Variants in RUNX1T1 observed in about 807,000 individuals in gnomAD.
RUNX1T1 encodes the protein protein CBFA2T1.
RUNX1T1 carries 4 observed loss-of-function variants against 62.8 expected under a neutral mutation model. The observed-to-expected ratio is 0.06, with a 90% CI of 0.03 to 0.15. The LOEUF (loss-of-function observed/expected upper bound fraction) is 0.15. Ranked by LOEUF, RUNX1T1 falls within the 10% of genes least tolerant of loss-of-function variation. The pLI is 1.00. For synonymous variants in RUNX1T1, 291 were observed against 286.0 expected, an observed-to-expected ratio of 1.02 and a Z score of -0.18; for missense variants, 508 against 754.3, an observed-to-expected ratio of 0.67 and a Z score of 3.82.
intron 10 of RUNX1T1, among the ~76,000 whole-genome samples, chr8:91,963,529 T>C (rs898870189): frequency 1.3e-5 from 2 of 152,230 alleles, no homozygotes; most frequent in African/African-American, 4.8e-5. Flanking sequence ...GTGAATTTAC[T>C]GTTGGCTAAT....
At chr8:92,070,746 T>C (rs1401415800) in intron 2 of RUNX1T1, among the ~76,000 whole-genome samples, 3 of 152,276 alleles carry the variant, frequency 2.0e-5, no homozygotes, top group Non-Finnish European at 4.4e-5. Context: ...AGGTATATAC[T>C]GCTCTCTTTA....
chr8:92,031,190 T>G (rs1264754134), intron 1 of RUNX1T1, among the ~76,000 whole-genome samples: 1 of 152,196 alleles, frequency 6.6e-6, no homozygotes, highest in African/African-American at 2.4e-5. Flanking sequence ...ATGCCTTATC[T>G]TTTCAATGCT....
At chr8:92,039,292 C>T (rs1369262577) in intron 1 of RUNX1T1, among the ~76,000 whole-genome samples, 1 of 152,142 alleles carries the variant, frequency 6.6e-6, no homozygotes, top group African/African-American at 2.4e-5. Context: ...TAGGCATGAG[C>T]CACCACGCCT....
intron 1 of RUNX1T1, among the ~76,000 whole-genome samples, chr8:92,044,182 T>G (rs1828983570): frequency 6.6e-6 from 1 of 152,108 alleles, no homozygotes. Flanking sequence ...TTAAAAATCC[T>G]TGATAAGTAG....
intron 1 of RUNX1T1, among the ~76,000 whole-genome samples, chr8:92,028,115 G>C (rs1483681239): frequency 2.5e-5 from 3 of 118,266 alleles, no homozygotes; most frequent in Non-Finnish European, 5.3e-5. Context: ...AAGAAGGGAG[G>C]GAGGAGGGGA....
intron 10 of RUNX1T1, among the ~76,000 whole-genome samples, chr8:91,966,850 A>G (rs1403954669): frequency 6.6e-6 from 1 of 152,214 alleles, no homozygotes; most frequent in Admixed American, 6.5e-5. Flanking sequence ...TATAAATCCA[A>G]GTAAAGTTTG....
At chr8:91,986,236 C>A (rs752953873) in exon 8 of RUNX1T1, 10 of 1,613,912 alleles carry the variant, frequency 6.2e-6, no homozygotes, top group Non-Finnish European at 8.5e-6. Context: ...TCCAGTAATT[C>A]AATTCTTCCC....
At chr8:92,071,479 T>G (rs1285512210) in intron 2 of RUNX1T1, 1 of 150,858 alleles carries the variant, frequency 6.6e-6, no homozygotes, top group Non-Finnish European at 1.5e-5. Context: ...AAGTGTAAAA[T>G]AGAGCCAAAT....
chr8:92,059,170 A>C (rs574801314), intron 1 of RUNX1T1, among the ~76,000 whole-genome samples: 1 of 152,340 alleles, frequency 6.6e-6, no homozygotes, highest in East Asian at 1.9e-4. Flanking sequence ...CAACTTACAT[A>C]GTTTTCTTCT....
At chr8:92,077,856 G>A (rs544947934) in intron 1 of RUNX1T1, among the ~76,000 whole-genome samples, 48 of 152,050 alleles carry the variant, frequency 3.2e-4, no homozygotes, top group African/African-American at 1.2e-3. Context: ...ACAAAAATGG[G>A]GTACTTAATC....
At chr8:92,064,057 C>G (rs1832491268), upstream of RUNX1T1, among the ~76,000 whole-genome samples, 1 of 152,118 alleles carries the variant, frequency 6.6e-6, no homozygotes, top group African/African-American at 2.4e-5. Flanking sequence ...TTGCTATCTC[C>G]AAAAATTTCT....
chr8:91,979,036 G>A (rs570479944), intron 8 of RUNX1T1, among the ~76,000 whole-genome samples: 3 of 152,232 alleles, frequency 2.0e-5, no homozygotes, highest in East Asian at 1.9e-4. Context: ...TTATATAAAC[G>A]TGTTTTACAA....
chr8:92,060,553 ATGTGTGTG>A (rs1271953758), intron 1 of RUNX1T1, among the ~76,000 whole-genome samples: 39 of 63,944 alleles, frequency 6.1e-4, no homozygotes, highest in Admixed American at 6.6e-4. Context: ...ATATATATAT[ATGTGTGTG>A]TGTGTGTGTG....
At chr8:91,976,765 A>G (rs1008524323) in intron 8 of RUNX1T1, among the ~76,000 whole-genome samples, 1 of 152,244 alleles carries the variant, frequency 6.6e-6, no homozygotes, top group Non-Finnish European at 1.5e-5. Flanking sequence ...CATATGCTCA[A>G]AAGTAAACAA....
chr8:92,013,398 T>C (rs566507231), intron 3 of RUNX1T1, among the ~76,000 whole-genome samples: 1 of 152,310 alleles, frequency 6.6e-6, no homozygotes, highest in African/African-American at 2.4e-5. Context: ...CTCTGTCAAA[T>C]GTGGGATATA....
chr8:92,049,751 T>G (rs1829957782), intron 1 of RUNX1T1, among the ~76,000 whole-genome samples: 1 of 152,144 alleles, frequency 6.6e-6, no homozygotes, highest in South Asian at 2.1e-4. Context: ...AGATATTCAA[T>G]CCCCAACACT....
intron 1 of RUNX1T1, among the ~76,000 whole-genome samples, chr8:92,097,762 C>G: frequency 6.6e-6 from 1 of 152,282 alleles, no homozygotes; most frequent in Non-Finnish European, 1.5e-5. Flanking sequence ...CACAGTATTT[C>G]TATTAGTACC....
intron 1 of RUNX1T1, among the ~76,000 whole-genome samples, chr8:92,020,475 T>A (rs1435759005): frequency 6.6e-6 from 1 of 152,154 alleles, no homozygotes; most frequent in Non-Finnish European, 1.5e-5. Flanking sequence ...GTAATTTCCA[T>A]TTTTTAGTTG....
chr8:92,060,522 AATATATATATATATAT>A (rs61066655), intron 1 of RUNX1T1, among the ~76,000 whole-genome samples: 2 of 76,326 alleles, frequency 2.6e-5, no homozygotes, highest in South Asian at 4.6e-4. Context: ...TCAACTACCA[AATATATATATATATAT>A]ATATATATAT....
Sources: gnomAD v4.1 joint callset for allele counts (sites outside exome capture counted in the v4.1 genomes callset) on GRCh38, gnomAD v4.1.1 for gene constraint, MANE v1.5 for transcripts, NCBI Gene and HGNC (gene_info 2026-07-23, HGNC 2026-07-21) for gene names.